B4GALNT3: variants seen among roughly 807,000 people sequenced by gnomAD.
B4GALNT3 encodes the protein beta-1,4-N-acetylgalactosaminyltransferase 3.
Under a neutral mutation model 120.2 loss-of-function variants are expected in B4GALNT3, and 86 were observed. The ratio of observed to expected loss-of-function variants is 0.72; its 90% CI spans 0.60 to 0.86. B4GALNT3 has a LOEUF of 0.86. B4GALNT3 is among the 40% of genes least tolerant of loss of function. B4GALNT3 has a pLI of 0.00. For synonymous variants in B4GALNT3, 518 were observed against 510.4 expected, an observed-to-expected ratio of 1.01 and a Z score of -0.20; for missense variants, 1,167 against 1,298.9, an observed-to-expected ratio of 0.90 and a Z score of 1.56.
At chr12:462,749 C>T (rs764802861) in intron 1 of B4GALNT3, among the ~76,000 whole-genome samples, 22 of 152,154 alleles carry the variant, frequency 1.4e-4, no homozygotes, top group Non-Finnish European at 2.8e-4. Flanking sequence ...ATTCTACTCT[C>T]GATTTCCCTG....
chr12:500,864 G>GTTTTTTTTTTTTTTTTTT (rs1565594758), intron 1 of B4GALNT3, among the ~76,000 whole-genome samples: 1 of 16,754 alleles, frequency 6.0e-5, no homozygotes, highest in African/African-American at 3.2e-4. Flanking sequence ...TGGCTCCACT[G>GTTTTTTTTTTTTTTTTTT]CTTTTTTTTT....
intron 1 of B4GALNT3, among the ~76,000 whole-genome samples, chr12:531,450 AC>A (rs1565604159): frequency 6.6e-6 from 1 of 152,206 alleles, no homozygotes; most frequent in South Asian, 2.1e-4. Context: ...GGAGTTCAAG[AC>A]CAACCTGGAC....
intron 3 of B4GALNT3, among the ~76,000 whole-genome samples, chr12:542,290 C>G (rs1946927338): frequency 6.6e-6 from 1 of 152,102 alleles, no homozygotes; most frequent in Non-Finnish European, 1.5e-5. Flanking sequence ...AGAGGCTGCG[C>G]CCACCCCACC....
chr12:539,224 T>A (rs1382381438), intron 3 of B4GALNT3, among the ~76,000 whole-genome samples: 1 of 152,218 alleles, frequency 6.6e-6, no homozygotes, highest in Non-Finnish European at 1.5e-5. Flanking sequence ...CTGGGCTTCA[T>A]GGAGTGACTG....
intron 1 of B4GALNT3, among the ~76,000 whole-genome samples, chr12:532,104 C>A (rs1196230089): frequency 1.3e-5 from 2 of 152,196 alleles, no homozygotes; most frequent in Non-Finnish European, 2.9e-5. Flanking sequence ...CCACGCCAGG[C>A]CACAATTAGA....
chr12:558,116 A>G lies in B4GALNT3; in HGVS notation c.2607+28A>G. On this transcript the variant is annotated intron_variant, in intron 17 of 19. Transcript: ENST00000266383. ...AAAGGGCCTGGATGGGGCCTGCGAGATGGAATTCAAGGCTGGTTAAGAGGT... is the reference window on the plus strand; with the variant it reads ...AAAGGGCCTGGATGGGGCCTGCGAGGTGGAATTCAAGGCTGGTTAAGAGGT... 4 of 1,608,458 alleles carry G rather than the reference A, an allele frequency of 2.5e-6. No individual in the cohort carries two copies. The South Asian group carries it at 3.3e-5, about 13-fold the overall frequency.
intron 14 of B4GALNT3, among the ~76,000 whole-genome samples, chr12:556,231 G>T (rs1040226520): frequency 6.6e-6 from 1 of 152,038 alleles, no homozygotes; most frequent in Non-Finnish European, 1.5e-5. Context: ...ATGTTGATTC[G>T]ACCGTTTTTA....
intron 1 of B4GALNT3, among the ~76,000 whole-genome samples, chr12:503,692 A>G (rs1260763448): frequency 6.6e-6 from 1 of 152,202 alleles, no homozygotes; most frequent in East Asian, 1.9e-4. Context: ...CGTGATGACT[A>G]GAGCAAGTCA....
intron 1 of B4GALNT3, among the ~76,000 whole-genome samples, chr12:467,390 C>G (rs1307022124): frequency 6.6e-6 from 1 of 152,128 alleles, no homozygotes; most frequent in African/African-American, 2.4e-5. Context: ...GAAAGCCCAT[C>G]TCTACTACAA....
At chr12:505,142 T>C (rs1306944038) in intron 1 of B4GALNT3, among the ~76,000 whole-genome samples, 1 of 152,226 alleles carries the variant, frequency 6.6e-6, no homozygotes, top group East Asian at 1.9e-4. Flanking sequence ...TCTGCCTGCC[T>C]TGGCCTCCCA....
intron 1 of B4GALNT3, among the ~76,000 whole-genome samples, chr12:520,941 A>T (rs11063380): frequency 6.6e-6 from 1 of 152,130 alleles, no homozygotes. Flanking sequence ...TATTCTGAAT[A>T]GTCAGCTCTT....
chr12:539,264 C>G (rs78876186), intron 3 of B4GALNT3, among the ~76,000 whole-genome samples: 2,637 of 152,326 alleles, frequency 0.017, 71 homozygotes, highest in African/African-American at 0.059. Flanking sequence ...CAACACTGAT[C>G]ACAAGACGCT....
At chr12:476,619 A>G (rs1228728030) in intron 1 of B4GALNT3, among the ~76,000 whole-genome samples, 1 of 152,186 alleles carries the variant, frequency 6.6e-6, no homozygotes, top group African/African-American at 2.4e-5. Context: ...TCATAAATAA[A>G]TAAATGCTTA....
At chr12:471,114 C>T (rs905151988) in intron 1 of B4GALNT3, among the ~76,000 whole-genome samples, 6 of 151,310 alleles carry the variant, frequency 4.0e-5, no homozygotes, top group Non-Finnish European at 5.9e-5. Context: ...TGTGGCTGGG[C>T]GCGGTGGCTC....
At chr12:511,609 G>GAGCTTCC (rs1565598081) in intron 1 of B4GALNT3, among the ~76,000 whole-genome samples, 1 of 37,824 alleles carries the variant, frequency 2.6e-5, no homozygotes, top group African/African-American at 7.7e-5. Context: ...TTCCACCTTC[G>GAGCTTCC]ACCTTCTTCC....
At position 535,248 on chromosome 12, in the gene B4GALNT3, T is replaced by C. The variant is rs980594588; in HGVS notation, c.252T>C (p.His84=). The change falls in exon 2 of 20, where the codon CAT becomes CAC. Residue 84 remains histidine, a synonymous_variant. Transcript: ENST00000266383. The stretch of plus-strand genomic sequence containing the variant: ...TGGATCCACACCTCCAGTTCTACCA[T>C]CCCCAGAGGCTGAGCCTCGAGGTAG... ...PAVDPHLQFY[H]PQRLSLEDHD... The C allele has an allele frequency of 6.2e-7, 1 of 1,613,880 alleles. No individual in the cohort carries two copies. Among genetic ancestry groups the C allele is most frequent in the Non-Finnish European group, 8.5e-7 (1 of 1,179,958 alleles).
At chr12:495,754 A>G (rs1946382289) in intron 1 of B4GALNT3, among the ~76,000 whole-genome samples, 1 of 152,166 alleles carries the variant, frequency 6.6e-6, no homozygotes, top group Admixed American at 6.5e-5. Context: ...GCCCTTGGGT[A>G]GCTTTCTTAT....
At chr12:511,897 A>G (rs1161322848) in intron 1 of B4GALNT3, among the ~76,000 whole-genome samples, 1 of 67,616 alleles carries the variant, frequency 1.5e-5, no homozygotes, top group Non-Finnish European at 2.9e-5. Context: ...TCCACCTTCC[A>G]CCTTCCGCCT....
intron 9 of B4GALNT3, among the ~76,000 whole-genome samples, chr12:549,059 G>A (rs113571267): frequency 6.6e-6 from 1 of 152,114 alleles, no homozygotes; most frequent in African/African-American, 2.4e-5. Flanking sequence ...TTCTTCAATG[G>A]CATTTTCCAT....
Sources: allele counts gnomAD v4.1 joint callset (sites outside exome capture counted in the v4.1 genomes callset), GRCh38; gene constraint gnomAD v4.1.1; transcripts MANE v1.5; gene names NCBI Gene and HGNC (gene_info 2026-07-23, HGNC 2026-07-21).